The following PMFBP1 variants were observed in gnomAD, a reference collection of about 807,000 sequenced individuals.
PMFBP1 encodes the protein polyamine-modulated factor 1-binding protein 1.
In PMFBP1, 131 loss-of-function variants were observed where a neutral mutation model predicts 137.8. The observed-to-expected ratio is 0.95, with a 90% CI of 0.82 to 1.10. PMFBP1 has a LOEUF of 1.10. Among genes scored for constraint, PMFBP1 ranks in the 50% least tolerant of loss-of-function variants. The pLI is 0.00. For synonymous variants in PMFBP1, 490 were observed against 450.4 expected, an observed-to-expected ratio of 1.09 and a Z score of -1.11; for missense variants, 1,199 against 1,175.4, an observed-to-expected ratio of 1.02 and a Z score of -0.29.
At chr16:72,196,688 A>T in the PMFBP1 span, among the ~76,000 whole-genome samples, 1 of 152,166 alleles carries the variant, frequency 6.6e-6, no homozygotes, top group Non-Finnish European at 1.5e-5. Flanking sequence ...ATTCATATTA[A>T]TGGGACTGAA....
the PMFBP1 span, among the ~76,000 whole-genome samples, chr16:72,195,192 C>T: frequency 5.9e-5 from 9 of 152,186 alleles, no homozygotes; most frequent in African/African-American, 1.7e-4. Context: ...CCAGGGCCCA[C>T]GTTTTCTGGC....
intron 4 of PMFBP1, among the ~76,000 whole-genome samples, 195 bp downstream of exon 4, chr16:72,154,016 C>G (rs529281091): frequency 4.0e-5 from 6 of 150,554 alleles, no homozygotes; most frequent in Non-Finnish European, 5.9e-5. Flanking sequence ...CAGCTTTCAC[C>G]GAGTTATGCC....
Position 72,150,755 on chromosome 16 carries a change from T to C in PMFBP1, c.489A>G (p.Gln163=), listed in dbSNP as rs780972032. Residue 163 remains glutamine (Q), a synonymous_variant, in exon 5 of 21, where the codon CAA becomes CAG. Coordinates refer to ENST00000237353, the MANE Select transcript of PMFBP1 (RefSeq NM_031293.3). ...TGEKLHLAQE[Q]LALAGDKIAS... ...CGATCTTGTCCCCGGCCAAGGCGAG[T>C]TGCTCCTGCGCCAAATGGAGCTTCT... 1.1e-5 allele frequency: 18 copies of C among 1,614,152 alleles called. No individual in the cohort carries two copies. In the South Asian group the frequency reaches 1.9e-4, roughly 17 times the overall value.
chr16:72,232,058 G>A, the PMFBP1 span, among the ~76,000 whole-genome samples: 2 of 152,226 alleles, frequency 1.3e-5, no homozygotes, highest in Non-Finnish European at 2.9e-5. Context: ...TGAGCTCCAA[G>A]TCAATCTCTA....
Position 72,119,897 on chromosome 16 carries a change from ACC to A in PMFBP1, c.2959_2960del (p.Gly987SerfsTer40). ...LGWKGLPQDM[G>X]QRMDLTKYIG... ...TGTACTTGGTGAGGTCCATTCTTTG[ACC>A]CATATCCTGGGGCAACCCCTTCCAG... On this transcript the variant is annotated frameshift_variant, in exon 20 of 21. Coordinates refer to ENST00000237353, the MANE Select transcript of PMFBP1 (RefSeq NM_031293.3). LOFTEE classifies it low-confidence loss of function (END_TRUNC). 6.2e-7 allele frequency: 1 copy of A among 1,614,124 alleles called. No individual in the cohort carries two copies. Among genetic ancestry groups the A allele is most frequent in the African/African-American group, 1.3e-5 (1 of 75,032 alleles).
At chr16:72,214,159 T>C in the PMFBP1 span, among the ~76,000 whole-genome samples, 2 of 151,802 alleles carry the variant, frequency 1.3e-5, no homozygotes, top group South Asian at 2.1e-4. Flanking sequence ...GGACAGTACA[T>C]GGGGGACAGG....
intron 18 of PMFBP1, among the ~76,000 whole-genome samples, 159 bp from the exon 19 acceptor site, chr16:72,123,147 A>T (rs778059100): frequency 6.6e-6 from 1 of 152,160 alleles, no homozygotes; most frequent in Non-Finnish European, 1.5e-5. Context: ...CCTTCCTAGC[A>T]CCTGGGGATT....
intron 3 of PMFBP1, among the ~76,000 whole-genome samples, chr16:72,160,527 C>T (rs534133639): frequency 1.3e-5 from 2 of 152,198 alleles, no homozygotes; most frequent in East Asian, 3.9e-4. Flanking sequence ...ATTCCCTGTT[C>T]TAGTTTGCGC....
Position 72,123,602 on chromosome 16 carries a change from G to A in PMFBP1, c.2637C>T (p.Leu879=). 1 of 1,614,132 alleles carries A rather than the reference G, an allele frequency of 6.2e-7. No individual in the cohort carries two copies. The highest frequency in any genetic ancestry group is 8.5e-7 in the Non-Finnish European group (1 of 1,180,004). Residue 879 remains leucine, a synonymous_variant, in exon 18 of 21, where the codon CTC becomes CTT. Coordinates refer to ENST00000237353, the MANE Select transcript of PMFBP1 (RefSeq NM_031293.3). ...QWSVPKDTCR[L]YRGNDQIMTN... ...TCATAATCTGATCATTCCCTCGGTA[G>A]AGCCTACAGGTGTCTTTGGGCACAG...
At chr16:72,175,372 C>A (rs1158455080), upstream of PMFBP1, among the ~76,000 whole-genome samples, 1 of 152,174 alleles carries the variant, frequency 6.6e-6, no homozygotes. Flanking sequence ...TTTTAGCAGG[C>A]CAGGATGTGA....
chr16:72,155,799 A>T (rs570209551), intron 3 of PMFBP1, among the ~76,000 whole-genome samples: 1 of 152,256 alleles, frequency 6.6e-6, no homozygotes, highest in African/African-American at 2.4e-5. Flanking sequence ...CATCATTACA[A>T]TGTTTTAGAA....
At chr16:72,145,856 A>C (rs948520979) in intron 5 of PMFBP1, among the ~76,000 whole-genome samples, 1 of 152,250 alleles carries the variant, frequency 6.6e-6, no homozygotes, top group Non-Finnish European at 1.5e-5. Flanking sequence ...TGAATAGACC[A>C]ATAACAGGTT....
chr16:72,140,562 A>T lies in PMFBP1; in HGVS notation c.657T>A (p.Asp219Glu), dbSNP rs773097934. ...IMGQEPENKGDHSKVRIYTSP... is the reference protein window; with the variant it reads ...IMGQEPENKGEHSKVRIYTSP... Reference sequence around the variant, plus strand: ...AAGTGTATATCCGTACCTTTGAATGATCACCCTTGTTCTCAGGCTCCTGAG... The same window carrying T: ...AAGTGTATATCCGTACCTTTGAATGTTCACCCTTGTTCTCAGGCTCCTGAG... Residue 219 changes from aspartate to glutamate, a missense_variant, in exon 6 of 21, where the codon GAT (aspartate) becomes GAA (glutamate). Physicochemically the swap from Asp to Glu is conservative, Grantham distance 45. Transcript: ENST00000237353. 8.7e-6 allele frequency: 14 copies of T among 1,613,740 alleles called. No homozygotes were observed. The highest frequency in any genetic ancestry group is 1.1e-5 in the Non-Finnish European group (13 of 1,179,802).
chr16:72,215,501 A>C, the PMFBP1 span, among the ~76,000 whole-genome samples: 2 of 152,216 alleles, frequency 1.3e-5, no homozygotes, highest in Admixed American at 6.5e-5. Flanking sequence ...GACAACCCTG[A>C]ATTTTATACC....
At chr16:72,125,582 C>A (rs1597460000) in intron 15 of PMFBP1, among the ~76,000 whole-genome samples, 177 bp from the exon 16 acceptor site, 1 of 152,218 alleles carries the variant, frequency 6.6e-6, no homozygotes, top group East Asian at 1.9e-4. Flanking sequence ...TTTTCTGCAC[C>A]CTGCTTTCTC....
chr16:72,152,944 AC>A (rs1461554277), intron 4 of PMFBP1, among the ~76,000 whole-genome samples: 1 of 151,980 alleles, frequency 6.6e-6, no homozygotes, highest in Non-Finnish European at 1.5e-5. Context: ...TGCTGGTGGA[AC>A]CCAAGGATAG....
chr16:72,243,552 G>T, the PMFBP1 span, among the ~76,000 whole-genome samples: 3 of 152,156 alleles, frequency 2.0e-5, no homozygotes, highest in Non-Finnish European at 4.4e-5. Context: ...CTGCCTCCAT[G>T]TTTATTTCTA....
chr16:72,232,903 G>C, the PMFBP1 span, among the ~76,000 whole-genome samples: 1 of 152,100 alleles, frequency 6.6e-6, no homozygotes, highest in Non-Finnish European at 1.5e-5. Flanking sequence ...GTCAGAGGCA[G>C]ACATGTATAC....
At chr16:72,190,131 A>G in the PMFBP1 span, among the ~76,000 whole-genome samples, 1 of 152,242 alleles carries the variant, frequency 6.6e-6, no homozygotes, top group Non-Finnish European at 1.5e-5. Context: ...CTAAGCAGTA[A>G]GGGATTATAG....
Sources: gnomAD v4.1 joint callset for allele counts (sites outside exome capture counted in the v4.1 genomes callset) on GRCh38, gnomAD v4.1.1 for gene constraint, MANE v1.5 for transcripts, NCBI Gene and HGNC (gene_info 2026-07-23, HGNC 2026-07-21) for gene names.